The following MARCHF1 variants were observed in gnomAD, a reference collection of about 807,000 sequenced individuals.
MARCHF1 encodes the protein membrane associated ring-CH-type finger 1, also known as E3 ubiquitin-protein ligase MARCHF1.
MARCHF1 carries 40 observed loss-of-function variants against 54.2 expected under a neutral mutation model. The observed-to-expected ratio is 0.74, with a 90% CI of 0.57 to 0.96. MARCHF1 has a LOEUF of 0.96. Ranked by LOEUF, MARCHF1 falls within the 40% of genes least tolerant of loss-of-function variation. The pLI is 0.00. For missense variants in MARCHF1, 586 were observed against 656.5 expected (o/e 0.89, Z 1.17); for synonymous variants, 236 against 236.3 (o/e 1.00, Z 0.01).
chr4:164,149,213 G>C (rs1490222260), intron 1 of MARCHF1, among the ~76,000 whole-genome samples: 1 of 152,162 alleles, frequency 6.6e-6, no homozygotes, highest in Non-Finnish European at 1.5e-5. Flanking sequence ...CTGGTGCCAT[G>C]TTTGTACATC....
chr4:164,320,644 G>A (rs1420154960), intron 1 of MARCHF1, among the ~76,000 whole-genome samples: 1 of 152,144 alleles, frequency 6.6e-6, no homozygotes, highest in African/African-American at 2.4e-5. Context: ...AGAGAAGACT[G>A]AAAACAGAAA....
intron 2 of MARCHF1, among the ~76,000 whole-genome samples, chr4:164,101,648 C>A (rs1755563792): frequency 7.9e-6 from 1 of 126,894 alleles, no homozygotes; most frequent in African/African-American, 2.8e-5. Context: ...GTAGATAAAA[C>A]CACAAAGATG....
intron 4 of MARCHF1, among the ~76,000 whole-genome samples, chr4:163,771,886 A>G (rs889986690): frequency 6.6e-6 from 1 of 152,216 alleles, no homozygotes; most frequent in African/African-American, 2.4e-5. Context: ...ATCAAAGTTA[A>G]GTCATTACCA....
chr4:164,343,812 G>A (rs1289527305), intron 1 of MARCHF1, among the ~76,000 whole-genome samples: 1 of 152,166 alleles, frequency 6.6e-6, no homozygotes, highest in Non-Finnish European at 1.5e-5. Context: ...GTGGAAAGCA[G>A]CGTGGTGATT....
intron 3 of MARCHF1, among the ~76,000 whole-genome samples, chr4:163,931,371 C>T (rs1201968648): frequency 6.6e-6 from 1 of 152,008 alleles, no homozygotes; most frequent in Non-Finnish European, 1.5e-5. Context: ...TGTTAACCCC[C>T]AAAGTGATGA....
At chr4:164,189,042 G>T (rs1417557006) in intron 1 of MARCHF1, 1 of 689,640 alleles carries the variant, frequency 1.5e-6, no homozygotes, top group Non-Finnish European at 2.6e-6. Flanking sequence ...ACATCCTGTT[G>T]TTCCACCTGG....
At chr4:164,248,004 C>T (rs925497509) in intron 1 of MARCHF1, among the ~76,000 whole-genome samples, 1 of 151,552 alleles carries the variant, frequency 6.6e-6, no homozygotes, top group East Asian at 1.9e-4. Context: ...ATACTCCACA[C>T]TTAGTAAACA....
Position 164,201,229 on chromosome 4 carries a change from GTTTTGTTTT to G in MARCHF1, c.-322-89576_-322-89568del, listed in dbSNP as rs3059821. The stretch of plus-strand genomic sequence containing the variant: ...ACATGGTTTTGTTTTGTTTTGTTTT[GTTTTGTTTT>G]GGGATGGAGTCTCGCTCTGTTGCCA... On this transcript the variant is annotated intron_variant, in intron 1 of 9. Coordinates refer to ENST00000514618, the MANE Select transcript of MARCHF1 (RefSeq NM_001394959.1). 4.1e-3 allele frequency among the ~76,000 whole-genome samples: 621 copies of G among 152,020 alleles called. 10 individuals carry two copies. The highest frequency in any genetic ancestry group is 0.031 in the Admixed American group (470 of 15,260).
At chr4:163,747,119 G>A (rs563281903) in intron 4 of MARCHF1, among the ~76,000 whole-genome samples, 1 of 152,158 alleles carries the variant, frequency 6.6e-6, no homozygotes, top group Non-Finnish European at 1.5e-5. Context: ...CACTGTCAGT[G>A]TCATGACAAA....
chr4:163,725,861 G>A (rs577761359), intron 4 of MARCHF1, among the ~76,000 whole-genome samples: 60 of 152,278 alleles, frequency 3.9e-4, no homozygotes, highest in Non-Finnish European at 4.7e-4. Flanking sequence ...TACAGTTAAT[G>A]TCTGTTTTTG....
chr4:163,825,788 A>C (rs954638080), intron 4 of MARCHF1, among the ~76,000 whole-genome samples: 1 of 151,876 alleles, frequency 6.6e-6, no homozygotes, highest in African/African-American at 2.4e-5. Context: ...TTTCTTAAGA[A>C]TGTTTACTCA....
At chr4:164,171,544 T>G (rs941466818) in intron 1 of MARCHF1, among the ~76,000 whole-genome samples, 1 of 152,134 alleles carries the variant, frequency 6.6e-6, no homozygotes, top group Non-Finnish European at 1.5e-5. Flanking sequence ...GTTAAAACTT[T>G]TAAAATCAAA....
At chr4:164,034,927 C>G (rs959467220) in intron 2 of MARCHF1, among the ~76,000 whole-genome samples, 5 of 152,082 alleles carry the variant, frequency 3.3e-5, no homozygotes, top group African/African-American at 1.2e-4. Flanking sequence ...TGGGATTCCC[C>G]TACAGGTCTC....
At position 163,612,270 on chromosome 4, in the gene MARCHF1, C is replaced by T. The variant is rs139650733; in HGVS notation, c.1010+1G>A. ...TCAAGCCTTTCTCTACAGTGACTGA[C>T]CTGCATACTTCTAAATTATCAGACC... On this transcript the variant is annotated splice_donor_variant, in intron 7 of 9. Transcript: ENST00000514618. LOFTEE classifies it high-confidence loss of function. 3.5e-4 allele frequency: 518 copies of T among 1,493,264 alleles called. 2 individuals are homozygous for T. Among genetic ancestry groups the T allele is most frequent in the East Asian group, 1.2e-3 (48 of 40,710 alleles). The allele number at this position is 1,493,264 out of a possible 1,614,324, so 92.5% of individuals were successfully genotyped here. A position where few individuals can be genotyped will look rare whatever the true frequency, so the allele number is the denominator to read the frequency against.
At chr4:163,598,202 G>A (rs756397244) in intron 7 of MARCHF1, among the ~76,000 whole-genome samples, 3 of 152,102 alleles carry the variant, frequency 2.0e-5, no homozygotes, top group African/African-American at 4.8e-5. Context: ...GTCTTCAACC[G>A]CATCATTTGC....
intron 4 of MARCHF1, among the ~76,000 whole-genome samples, chr4:163,811,252 G>C (rs1748376669): frequency 1.9e-5 from 1 of 51,396 alleles, no homozygotes; most frequent in Admixed American, 2.0e-4. Context: ...ATTTTTAGTG[G>C]CACTAAACAT....
At chr4:164,182,521 T>C (rs1247536601) in intron 1 of MARCHF1, among the ~76,000 whole-genome samples, 1 of 151,924 alleles carries the variant, frequency 6.6e-6, no homozygotes, top group Non-Finnish European at 1.5e-5. Context: ...CCTTCCTTCC[T>C]TCCTTCCATC....
intron 3 of MARCHF1, among the ~76,000 whole-genome samples, chr4:163,946,024 A>G (rs1044778681): frequency 6.6e-6 from 1 of 152,014 alleles, no homozygotes; most frequent in Non-Finnish European, 1.5e-5. Flanking sequence ...ACTTAATTCC[A>G]TATAGCACCA....
At chr4:163,648,985 T>C (rs767030239) in intron 5 of MARCHF1, among the ~76,000 whole-genome samples, 4 of 152,082 alleles carry the variant, frequency 2.6e-5, no homozygotes, top group African/African-American at 4.8e-5. Context: ...GTGATAATAT[T>C]TTTTGCTTTT....
Sources: gnomAD v4.1 joint callset for allele counts (sites outside exome capture counted in the v4.1 genomes callset) on GRCh38, gnomAD v4.1.1 for gene constraint, MANE v1.5 for transcripts, NCBI Gene and HGNC (gene_info 2026-07-23, HGNC 2026-07-21) for gene names.